Variants in NALF1 observed in about 807,000 individuals in gnomAD.
NALF1 encodes the protein NALCN channel auxiliary factor 1, also known as family with sequence similarity 155 member A.
In NALF1, 3 loss-of-function variants were observed where a neutral mutation model predicts 48.4. The ratio of observed to expected loss-of-function variants is 0.06; its 90% confidence interval spans 0.03 to 0.16. NALF1 has a LOEUF of 0.16. Among genes scored for constraint, NALF1 ranks in the 10% least tolerant of loss-of-function variants. The pLI is 1.00. For synonymous variants in NALF1, 262 were observed against 245.7 expected (o/e 1.07, Z -0.62); for missense variants, 526 against 571.5 (o/e 0.92, Z 0.81).
chr13:107,435,023 A>G (rs1458901817), intron 1 of NALF1, among the ~76,000 whole-genome samples: 4 of 151,950 alleles, frequency 2.6e-5, no homozygotes, highest in Non-Finnish European at 4.4e-5. Context: ...GGCAACAGGT[A>G]TGTTTAAAAG....
At chr13:107,247,310 T>C (rs1880604608) in intron 1 of NALF1, among the ~76,000 whole-genome samples, 1 of 152,218 alleles carries the variant, frequency 6.6e-6, no homozygotes, top group African/African-American at 2.4e-5. Flanking sequence ...AAAATGTGTC[T>C]AGTATCCTCT....
intron 1 of NALF1, among the ~76,000 whole-genome samples, chr13:107,620,416 T>C (rs1190058941): frequency 6.6e-6 from 1 of 152,190 alleles, no homozygotes; most frequent in African/African-American, 2.4e-5. Flanking sequence ...ATTTGAAAAT[T>C]CTAAGAGGAA....
intron 1 of NALF1, among the ~76,000 whole-genome samples, chr13:107,699,588 C>A (rs1297742629): frequency 6.6e-6 from 1 of 151,958 alleles, no homozygotes; most frequent in South Asian, 2.1e-4. Flanking sequence ...AAGAAATATT[C>A]GGAAAATCTT....
At chr13:107,250,175 A>C (rs1010975538) in intron 1 of NALF1, among the ~76,000 whole-genome samples, 3 of 151,836 alleles carry the variant, frequency 2.0e-5, no homozygotes, top group African/African-American at 7.3e-5. Context: ...CTTCACCACT[A>C]CTGGGGCTCC....
intron 1 of NALF1, among the ~76,000 whole-genome samples, chr13:107,631,530 G>A (rs963612544): frequency 6.6e-6 from 1 of 152,028 alleles, no homozygotes; most frequent in Admixed American, 6.6e-5. Context: ...CAGAAACAAT[G>A]CCACTGAGTT....
At chr13:107,498,306 G>A (rs28488775) in intron 1 of NALF1, among the ~76,000 whole-genome samples, 46,007 of 151,786 alleles carry the variant, frequency 0.3, 7,137 homozygotes, top group East Asian at 0.4. Context: ...TCATTGATAG[G>A]TCCATGACAG....
chr13:107,480,204 A>G (rs1317047399), intron 1 of NALF1, among the ~76,000 whole-genome samples: 1 of 152,306 alleles, frequency 6.6e-6, no homozygotes, highest in Non-Finnish European at 1.5e-5. Context: ...TTGAGGCCAG[A>G]TGAGGGCCTC....
At chr13:107,741,258 T>G (rs768197438) in intron 1 of NALF1, among the ~76,000 whole-genome samples, 2 of 152,228 alleles carry the variant, frequency 1.3e-5, no homozygotes, top group Non-Finnish European at 2.9e-5. Context: ...CTCTCAGTGT[T>G]GTTTCCCCAA....
intron 1 of NALF1, among the ~76,000 whole-genome samples, chr13:107,552,415 T>C (rs941777889): frequency 2.0e-4 from 30 of 152,162 alleles, no homozygotes; most frequent in Non-Finnish European, 3.4e-4. Flanking sequence ...CATTAGCAAA[T>C]TAGATAATAT....
At chr13:107,346,239 T>C (rs535997151) in intron 1 of NALF1, among the ~76,000 whole-genome samples, 3 of 152,142 alleles carry the variant, frequency 2.0e-5, no homozygotes, top group Admixed American at 6.5e-5. Context: ...AAATTAAAGA[T>C]AGAACTCCCA....
chr13:107,529,837 A>C (rs567903022), intron 1 of NALF1, among the ~76,000 whole-genome samples: 11 of 152,210 alleles, frequency 7.2e-5, no homozygotes, highest in African/African-American at 2.4e-4. Context: ...GTTGGAAACT[A>C]TCCATGGTAG....
chr13:107,718,955 C>T (rs1277619166), intron 1 of NALF1, among the ~76,000 whole-genome samples: 1 of 152,170 alleles, frequency 6.6e-6, no homozygotes, highest in Non-Finnish European at 1.5e-5. Context: ...TTGCACAATG[C>T]TAGGAGCTAA....
intron 1 of NALF1, among the ~76,000 whole-genome samples, chr13:107,495,020 T>C (rs528056479): frequency 2.0e-5 from 3 of 152,336 alleles, no homozygotes; most frequent in East Asian, 3.9e-4. Flanking sequence ...AATTCCCAGA[T>C]GGACATAGAG....
At chr13:107,693,717 T>C (rs1881628949) in intron 1 of NALF1, among the ~76,000 whole-genome samples, 1 of 152,072 alleles carries the variant, frequency 6.6e-6, no homozygotes, top group South Asian at 2.1e-4. Flanking sequence ...GCCACAGAAC[T>C]TGGACCATAT....
chr13:107,334,787 C>T (rs533168859), intron 1 of NALF1, among the ~76,000 whole-genome samples: 23 of 152,208 alleles, frequency 1.5e-4, no homozygotes, highest in East Asian at 1.9e-4. Flanking sequence ...AATGTAGTGA[C>T]GCTTTAAACA....
intron 1 of NALF1, among the ~76,000 whole-genome samples, chr13:107,553,286 C>A (rs899429791): frequency 8.5e-5 from 13 of 152,120 alleles, no homozygotes; most frequent in African/African-American, 2.9e-4. Context: ...TCAGAAAAAT[C>A]ACATTTTTGT....
intron 1 of NALF1, among the ~76,000 whole-genome samples, chr13:107,288,841 A>AT (rs1881558552): frequency 6.6e-6 from 1 of 151,782 alleles, no homozygotes; most frequent in East Asian, 1.9e-4. Flanking sequence ...CCCAGAAAAC[A>AT]TTTTTTATGT....
intron 1 of NALF1, among the ~76,000 whole-genome samples, chr13:107,629,903 TA>T: frequency 6.6e-6 from 1 of 152,204 alleles, no homozygotes; most frequent in Non-Finnish European, 1.5e-5. Context: ...GGATTTGTGT[TA>T]CAGCTTCTGA....
chr13:107,754,534 T>C (rs1877038127), intron 1 of NALF1, among the ~76,000 whole-genome samples: 1 of 152,012 alleles, frequency 6.6e-6, no homozygotes, highest in African/African-American at 2.4e-5. Context: ...TGGGCAAACA[T>C]GTAGATCACT....
Sources: gnomAD v4.1 joint callset for allele counts (sites outside exome capture counted in the v4.1 genomes callset) on GRCh38, gnomAD v4.1.1 for gene constraint, MANE v1.5 for transcripts, NCBI Gene and HGNC (gene_info 2026-07-23, HGNC 2026-07-21) for gene names.